Variants in NFATC3 observed in about 807,000 individuals in gnomAD.
The protein encoded by NFATC3 is nuclear factor of activated T-cells, cytoplasmic 3.
A neutral mutation model predicts 98.6 loss-of-function variants in NFATC3; 46 were observed. The observed-to-expected ratio is 0.47, with a 90% CI of 0.37 to 0.60. The LOEUF is 0.60. Ranked by LOEUF, NFATC3 falls within the 20% of genes least tolerant of loss-of-function variation. NFATC3 has a pLI of 0.00. For synonymous variants in NFATC3, 512 were observed against 472.2 expected, an observed-to-expected ratio of 1.08 and a Z score of -1.09; for missense variants, 1,256 against 1,295.5, an observed-to-expected ratio of 0.97 and a Z score of 0.47.
At chr16:68,176,223 G>A (rs1331128192) in intron 6 of NFATC3, among the ~76,000 whole-genome samples, 2 of 151,932 alleles carry the variant, frequency 1.3e-5, no homozygotes, top group African/African-American at 4.8e-5. Context: ...CGATCCACCC[G>A]TCTCGGCCTC....
intron 1 of NFATC3, among the ~76,000 whole-genome samples, chr16:68,092,682 G>A (rs1423787031): frequency 2.6e-5 from 4 of 152,008 alleles, no homozygotes; most frequent in Non-Finnish European, 4.4e-5. Context: ...CTTGAGCCTA[G>A]GGATTCTAGA....
intron 9 of NFATC3, among the ~76,000 whole-genome samples, chr16:68,195,231 G>A (rs2040612634): frequency 1.3e-5 from 2 of 152,026 alleles, no homozygotes; most frequent in Non-Finnish European, 1.5e-5. Flanking sequence ...CTCCAGCTTG[G>A]GCGACAAGAA....
chr16:68,163,810 C>T (rs1300526301), intron 4 of NFATC3, among the ~76,000 whole-genome samples: 2 of 150,988 alleles, frequency 1.3e-5, no homozygotes, highest in Admixed American at 1.3e-4. Flanking sequence ...GATGGGCGGC[C>T]GGGCAGAGAC....
In NFATC3 at chr16:68,192,207, C is replaced by CG. The variant is rs1201799974; in HGVS notation, c.3106+435dup. ...TGGGCGGCAGAGCAAGACTCCGTCT[C>CG]GGGAAAAAAAAAAAAAAAAAAAAAT... On this transcript the variant is annotated intron_variant, in intron 9 of 9. Transcript: ENST00000346183. 251 of 54,790 alleles carry CG rather than the reference C, an allele frequency of 4.6e-3. 3 individuals are homozygous for CG. The highest frequency in any genetic ancestry group is 0.031 in the African/African-American group (209 of 6,770). The allele number at this position is 54,790 out of a possible 1,614,324, so 3.4% of individuals were successfully genotyped here.
chr16:68,201,468 G>A (rs557579632), intron 9 of NFATC3, among the ~76,000 whole-genome samples: 5 of 149,758 alleles, frequency 3.3e-5, no homozygotes, highest in Admixed American at 6.7e-5. Flanking sequence ...ATGGAGTTTC[G>A]CCATGTTGCC....
In NFATC3 at chr16:68,227,860, G is replaced by A. The variant is rs542975236; in HGVS notation, c.*1389G>A. Reference sequence around the variant, plus strand: ...ATGGGATTTTTTTTACCTGTTCCTGGGCCCATTACAGAGCCTCTGAAGTTT... The same window carrying A: ...ATGGGATTTTTTTTACCTGTTCCTGAGCCCATTACAGAGCCTCTGAAGTTT... On this transcript the variant is annotated 3_prime_UTR_variant, in exon 10 of 10. Transcript: ENST00000346183. The A allele has an allele frequency of 4.0e-5, 6 of 151,710 alleles. No homozygotes were observed. In the South Asian group the frequency reaches 1.3e-3, roughly 32 times the overall value. The allele number at this position is 151,710 out of a possible 1,614,324, so 9.4% of individuals were successfully genotyped here.
intron 8 of NFATC3, among the ~76,000 whole-genome samples, chr16:68,188,266 C>G (rs977320085): frequency 6.6e-6 from 1 of 152,150 alleles, no homozygotes; most frequent in African/African-American, 2.4e-5. Context: ...GCAGAGATGC[C>G]TAGGTCAGCA....
chr16:68,155,754 T>C (rs1023159094), intron 3 of NFATC3, among the ~76,000 whole-genome samples: 2 of 152,148 alleles, frequency 1.3e-5, no homozygotes, highest in Non-Finnish European at 2.9e-5. Flanking sequence ...AGGTAAATAT[T>C]TTCTGCTTGA....
Position 68,191,064 on chromosome 16 carries a change from G to A in NFATC3, c.2395G>A (p.Gly799Arg), listed in dbSNP as rs2040405838. 1 of 1,614,032 alleles carries A rather than the reference G, an allele frequency of 6.2e-7. No homozygotes were observed. The highest frequency in any genetic ancestry group is 8.5e-7 in the Non-Finnish European group (1 of 1,180,038). Residue 799 changes from glycine (G) to arginine (R), a missense_variant, in exon 9 of 10, where the codon GGG becomes AGG. By Grantham distance (125) the Gly-to-Arg change is moderately radical. Around this residue, in one of 3 missense-constraint regions of NFATC3, gnomAD observed 636 missense variants for 617.3 expected, o/e 1.03. Coordinates refer to ENST00000346183, the MANE Select transcript of NFATC3 (RefSeq NM_173165.3). ...PFQVTPTPPV[G>R]SSYQPMQTNV... ...TCAAGTCACACCAACACCTCCTGTG[G>A]GGTCTTCCTATCAGCCTATGCAAAC...
intron 1 of NFATC3, among the ~76,000 whole-genome samples, chr16:68,114,901 GT>G (rs2036192043): frequency 6.6e-6 from 1 of 152,060 alleles, no homozygotes; most frequent in Non-Finnish European, 1.5e-5. Flanking sequence ...GAAATCGTTT[GT>G]TTTATTTTGT....
At chr16:68,141,664 TG>T (rs564360050) in intron 3 of NFATC3, among the ~76,000 whole-genome samples, 368 of 152,326 alleles carry the variant, frequency 2.4e-3, no homozygotes, top group African/African-American at 8.2e-3. Context: ...TGGGATTATT[TG>T]TTTTTTTCTT....
intron 5 of NFATC3, among the ~76,000 whole-genome samples, chr16:68,167,750 A>G (rs912779254): frequency 2.0e-5 from 3 of 148,314 alleles, no homozygotes; most frequent in Non-Finnish European, 4.5e-5. Context: ...TGCCTAGAAA[A>G]CAGGTTTTCT....
At chr16:68,141,568 G>T (rs1429500952) in intron 3 of NFATC3, among the ~76,000 whole-genome samples, 2 of 151,968 alleles carry the variant, frequency 1.3e-5, no homozygotes, top group Non-Finnish European at 2.9e-5. Context: ...GGTTAGTGAT[G>T]TTGAGCATTT....
At chr16:68,203,595 T>C (rs932406658) in intron 9 of NFATC3, among the ~76,000 whole-genome samples, 1 of 152,214 alleles carries the variant, frequency 6.6e-6, no homozygotes, top group African/African-American at 2.4e-5. Flanking sequence ...ATCATGCCAC[T>C]GCACTTCAAC....
chr16:68,217,658 GATA>G, intron 9 of NFATC3: 1 of 1,231,094 alleles, frequency 8.1e-7, no homozygotes, highest in Non-Finnish European at 1.0e-6. Context: ...CACACCTCAT[GATA>G]ATTCAGAGAT....
intron 3 of NFATC3, among the ~76,000 whole-genome samples, chr16:68,154,056 A>G (rs2038482176): frequency 6.6e-6 from 1 of 152,084 alleles, no homozygotes; most frequent in South Asian, 2.1e-4. Context: ...AGCTAGGACT[A>G]CAGGAGCACA....
chr16:68,191,692 C>T lies in NFATC3; in HGVS notation c.3023C>T (p.Ala1008Val), dbSNP rs2040417235. ...CDPASFPPDG[A>V]TVSIKPEPED... is the part of the protein sequence containing the mutation. ...CCAGCGTCATTTCCACCTGATGGGG[C>T]AACTGTGAGCATTAAACCTGAACCA... The change falls in exon 9 of 10, where the codon GCA becomes GTA. Residue 1008 changes from alanine to valine, a missense_variant. Ala to Val is a moderately conservative substitution (Grantham distance 64). Coordinates refer to ENST00000346183, the MANE Select transcript of NFATC3 (RefSeq NM_173165.3). 1 of 1,614,136 alleles carries T rather than the reference C, an allele frequency of 6.2e-7. No homozygotes were observed. The highest frequency in any genetic ancestry group is 8.5e-7 in the Non-Finnish European group (1 of 1,180,036).
chr16:68,226,298 A>T, intron 9 of NFATC3, 52 bp from the exon 10 acceptor site: 2 of 1,535,742 alleles, frequency 1.3e-6, no homozygotes, highest in Non-Finnish European at 1.7e-6. Flanking sequence ...TGGGCATCAT[A>T]TGGCTAATCA....
intron 1 of NFATC3, among the ~76,000 whole-genome samples, chr16:68,093,001 G>C (rs1240775290): frequency 1.3e-5 from 2 of 152,110 alleles, no homozygotes; most frequent in African/African-American, 2.4e-5. Flanking sequence ...ATTCAGTTCT[G>C]AAAGTCATAG....
Sources: gnomAD v4.1 joint callset for allele counts (sites outside exome capture counted in the v4.1 genomes callset) on GRCh38, gnomAD v4.1.1 for gene constraint, gnomAD v4.1.1 regional missense constraint, MANE v1.5 for transcripts, NCBI Gene and HGNC (gene_info 2026-07-23, HGNC 2026-07-21) for gene names.